RYR3: variants seen among roughly 807,000 people sequenced by gnomAD.
RYR3 encodes brain ryanodine receptor-calcium release channel.
RYR3 carries 207 observed loss-of-function variants against 584.3 expected under a neutral mutation model. The observed-to-expected ratio is 0.35, with a 90% CI of 0.32 to 0.40. The LOEUF (loss-of-function observed/expected upper bound fraction) is 0.40, where lower values mean the gene tolerates loss of function less well. Among genes scored for constraint, RYR3 ranks in the 10% least tolerant of loss-of-function variants. RYR3 has a pLI of 1.00. For missense variants in RYR3, 5,616 were observed against 6,089.2 expected (o/e 0.92, Z 2.59); for synonymous variants, 2,416 against 2,248.5 (o/e 1.07, Z -2.11).
chr15:33,640,659 G>T (rs1385829969), intron 27 of RYR3, among the ~76,000 whole-genome samples: 1 of 152,268 alleles, frequency 6.6e-6, no homozygotes, highest in Non-Finnish European at 1.5e-5. Context: ...AAACCAGTAT[G>T]AGGCCTTATA....
intron 12 of RYR3, among the ~76,000 whole-genome samples, chr15:33,578,771 A>AAAAC (rs1555536810): frequency 0.18 from 26,093 of 142,772 alleles, 3,893 homozygotes; most frequent in African/African-American, 0.41. Context: ...AGAATAAAAA[A>AAAAC]AAAAAAACAA....
chr15:33,525,599 A>G (rs548976571), intron 3 of RYR3, among the ~76,000 whole-genome samples: 1 of 152,302 alleles, frequency 6.6e-6, no homozygotes, highest in Admixed American at 6.5e-5. Flanking sequence ...TTGTAGTTTG[A>G]TTTTAAAGGT....
At chr15:33,435,685 T>C (rs528450219) in intron 1 of RYR3, among the ~76,000 whole-genome samples, 30 of 152,258 alleles carry the variant, frequency 2.0e-4, no homozygotes, top group African/African-American at 6.7e-4. Flanking sequence ...CTCTTAAAGG[T>C]GGCATGTCCG....
rs1409515969 is a variant in RYR3 at position 33,336,883 on chromosome 15, G to A, written c.51+25787G>A. ...GTCCTGGCTAACACGGTGAAACCCC[G>A]TCTCTACTAAAAATACAAAAAAAAA... is the stretch of plus-strand genomic sequence containing the variant. On this transcript the variant is annotated intron_variant, in intron 1 of 103. Transcript: ENST00000634891. Among the ~76,000 whole-genome samples the A allele has an allele frequency of 6.0e-5, 9 of 150,666 alleles. No homozygotes were observed. The East Asian group carries it at 1.2e-3, about 20-fold the overall frequency.
intron 38 of RYR3, 28 bp downstream of exon 38, chr15:33,670,584 T>C: frequency 6.5e-7 from 1 of 1,540,344 alleles, no homozygotes; most frequent in Non-Finnish European, 8.7e-7. Flanking sequence ...TAAATGACAG[T>C]GTGCTCTTCT....
chr15:33,777,178 A>G (rs1049777601), intron 64 of RYR3, among the ~76,000 whole-genome samples: 1 of 152,260 alleles, frequency 6.6e-6, no homozygotes, highest in African/African-American at 2.4e-5. Context: ...ACGAAACAAG[A>G]ACTTGTCTCT....
chr15:33,318,901 A>G (rs2339266), intron 1 of RYR3, among the ~76,000 whole-genome samples: 10,045 of 152,300 alleles, frequency 0.066, 500 homozygotes, highest in African/African-American at 0.13. Context: ...TATTGTATTC[A>G]TTAACACGTC....
At chr15:33,662,056 C>G (rs993533575) in intron 34 of RYR3, 97 bp from the exon 35 acceptor site, 2 of 1,042,732 alleles carry the variant, frequency 1.9e-6, no homozygotes, top group African/African-American at 1.6e-5. Context: ...CCCCTCCAAC[C>G]TTCCACCCAC....
At chr15:33,809,802 G>A (rs1473323789) in intron 70 of RYR3, among the ~76,000 whole-genome samples, 2 of 151,862 alleles carry the variant, frequency 1.3e-5, no homozygotes, top group African/African-American at 4.8e-5. Flanking sequence ...CACCTGGCCT[G>A]GATTCCTCTC....
intron 1 of RYR3, among the ~76,000 whole-genome samples, chr15:33,465,050 T>A (rs919808276): frequency 6.6e-6 from 1 of 152,226 alleles, no homozygotes; most frequent in African/African-American, 2.4e-5. Flanking sequence ...ATAACATCTG[T>A]GTTATTGCAA....
At chr15:33,481,982 A>G (rs987391235) in intron 2 of RYR3, among the ~76,000 whole-genome samples, 9 of 152,104 alleles carry the variant, frequency 5.9e-5, no homozygotes, top group Admixed American at 5.9e-4. Flanking sequence ...TTAAAGAAAT[A>G]AAAGGGAAGA....
At chr15:33,431,196 TTATC>T (rs968333371) in intron 1 of RYR3, among the ~76,000 whole-genome samples, 2 of 152,022 alleles carry the variant, frequency 1.3e-5, no homozygotes, top group African/African-American at 4.8e-5. Context: ...AAGCATAAGA[TTATC>T]TACTGCCACG....
chr15:33,562,922 G>A lies in RYR3; in HGVS notation c.1058G>A (p.Cys353Tyr). 1 of 1,613,832 alleles carries A rather than the reference G, an allele frequency of 6.2e-7. No homozygotes were observed. The highest frequency in any genetic ancestry group is 8.5e-7 in the Non-Finnish European group (1 of 1,179,742). The stretch of plus-strand genomic sequence containing the variant: ...GAAATCAAGTATGGAGATTCTGTCT[G>A]CTTTGTGCAGCATATAGCCAGTGGT... ...VPEIKYGDSV[C>Y]FVQHIASGLW... Residue 353 changes from cysteine (C) to tyrosine (Y), a missense_variant, in exon 11 of 104, where the codon TGC becomes TAC. Coordinates refer to ENST00000634891, the MANE Select transcript of RYR3 (RefSeq NM_001036.6).
Position 33,653,084 on chromosome 15 carries a change from T to C in RYR3, c.4308+201T>C, listed in dbSNP as rs111262378. Among the ~76,000 whole-genome samples, 1,039 of 152,348 alleles carry C rather than the reference T, an allele frequency of 6.8e-3. 17 individuals are homozygous for C. Among genetic ancestry groups the C allele is most frequent in the African/African-American group, 0.023 (964 of 41,570 alleles). ...CAGAGAAAAAAAGGCTGGGCAATCA[T>C]AGTTATTGGTTGATCCAATATGCTG... is the stretch of plus-strand genomic sequence containing the variant. On this transcript the variant is annotated intron_variant, in intron 32 of 103. Transcript: ENST00000634891.
Position 33,746,054 on chromosome 15 carries a change from G to A in RYR3, c.7900-14G>A. ...TGCGTGCCAAGGATATTTGAACTGA[G>A]AACATTTCTACAGAGTCAGAGTGGA... On this transcript the variant is annotated splice_polypyrimidine_tract_variant and intron_variant, in intron 52 of 103. Transcript: ENST00000634891. 1 of 1,561,060 alleles carries A rather than the reference G, an allele frequency of 6.4e-7. No individual in the cohort carries two copies. The highest frequency in any genetic ancestry group is 8.7e-7 in the Non-Finnish European group (1 of 1,144,822).
intron 32 of RYR3, among the ~76,000 whole-genome samples, chr15:33,657,716 C>G (rs1163965123): frequency 6.6e-6 from 1 of 152,140 alleles, no homozygotes; most frequent in Non-Finnish European, 1.5e-5. Flanking sequence ...CAGTCTACTC[C>G]AACATTTTGG....
chr15:33,425,513 A>C (rs1477206996), intron 1 of RYR3, among the ~76,000 whole-genome samples: 2 of 152,186 alleles, frequency 1.3e-5, no homozygotes, highest in Non-Finnish European at 2.9e-5. Context: ...TTCAAGAGGG[A>C]GACCACAATA....
intron 1 of RYR3, among the ~76,000 whole-genome samples, chr15:33,395,919 G>A (rs897576278): frequency 2.0e-5 from 3 of 152,094 alleles, no homozygotes; most frequent in Admixed American, 6.6e-5. Context: ...GTATCCATGC[G>A]TTCTGCCTCT....
intron 42 of RYR3, among the ~76,000 whole-genome samples, chr15:33,703,043 G>A (rs1471391516): frequency 6.6e-6 from 1 of 152,112 alleles, no homozygotes; most frequent in African/African-American, 2.4e-5. Flanking sequence ...ACAGAACACA[G>A]ATTTACCACT....
Sources: allele counts gnomAD v4.1 joint callset (sites outside exome capture counted in the v4.1 genomes callset), GRCh38; gene constraint gnomAD v4.1.1; transcripts MANE v1.5; gene names NCBI Gene and HGNC (gene_info 2026-07-23, HGNC 2026-07-21).